Variants in SNTB2 observed in about 807,000 individuals in gnomAD.
SNTB2 encodes beta-2-syntrophin.
SNTB2 carries 34 observed loss-of-function variants against 46.2 expected under a neutral mutation model. The ratio of observed to expected loss-of-function variants is 0.74; its 90% CI spans 0.56 to 0.98. The LOEUF (loss-of-function observed/expected upper bound fraction) is 0.98, where lower values mean the gene tolerates loss of function less well. Ranked by LOEUF, SNTB2 falls within the 50% of genes least tolerant of loss-of-function variation. The pLI is 0.00. For synonymous variants in SNTB2, 290 were observed against 312.6 expected (o/e 0.93, Z 0.76); for missense variants, 603 against 731.4 (o/e 0.82, Z 2.02).
At chr16:69,236,254 T>C (rs1166651172) in intron 1 of SNTB2, among the ~76,000 whole-genome samples, 1 of 152,154 alleles carries the variant, frequency 6.6e-6, no homozygotes, top group Non-Finnish European at 1.5e-5. Flanking sequence ...CCTTAGGCAG[T>C]AGCAAACCAT....
At chr16:69,291,819 G>A (rs1567416137) in intron 5 of SNTB2, among the ~76,000 whole-genome samples, 1 of 152,136 alleles carries the variant, frequency 6.6e-6, no homozygotes, top group Non-Finnish European at 1.5e-5. Flanking sequence ...CATGCCTATA[G>A]TCCCAGCTAC....
chr16:69,274,079 C>T (rs1227528539), intron 4 of SNTB2, among the ~76,000 whole-genome samples: 2 of 151,912 alleles, frequency 1.3e-5, no homozygotes, highest in Non-Finnish European at 2.9e-5. Flanking sequence ...TTTGGGAGGC[C>T]GAGGCTGGCG....
intron 1 of SNTB2, among the ~76,000 whole-genome samples, chr16:69,197,037 G>C (rs1964112618): frequency 1.3e-5 from 2 of 151,398 alleles, no homozygotes; most frequent in African/African-American, 4.9e-5. Context: ...TTTCATGCTG[G>C]ACCTAAAGCT....
chr16:69,276,288 A>G (rs1213027040), intron 4 of SNTB2, among the ~76,000 whole-genome samples: 1 of 152,172 alleles, frequency 6.6e-6, no homozygotes, highest in African/African-American at 2.4e-5. Context: ...AAAGCTGCCA[A>G]AATGCCTTTG....
rs771403946 is a variant in SNTB2 at position 69,270,250 on chromosome 16, G to A, written c.1113G>A (p.Ala371=). 14 of 1,613,888 alleles carry A rather than the reference G, an allele frequency of 8.7e-6. No homozygotes were observed. In the East Asian group the frequency reaches 1.1e-4, roughly 13 times the overall value. The change falls in exon 4 of 7, where the codon GCG becomes GCA. Residue 371 remains alanine, a synonymous_variant. Transcript: ENST00000336278. ...DCMPWTRDAW[A]SPCHSYPLVA... Reference sequence around the variant, plus strand: ...TGCCGTGGACAAGAGATGCCTGGGCGTCACCATGCCACAGCTACCCACTTG... The same window carrying A: ...TGCCGTGGACAAGAGATGCCTGGGCATCACCATGCCACAGCTACCCACTTG...
At chr16:69,188,585 C>T (rs1417361498) in intron 1 of SNTB2, among the ~76,000 whole-genome samples, 1 of 152,186 alleles carries the variant, frequency 6.6e-6, no homozygotes, top group East Asian at 1.9e-4. Context: ...AATTCCTCTC[C>T]TCTAAGGACT....
chr16:69,201,241 T>C (rs1419970110), intron 1 of SNTB2, among the ~76,000 whole-genome samples: 3 of 152,212 alleles, frequency 2.0e-5, no homozygotes, highest in African/African-American at 7.2e-5. Context: ...TGTATATTGC[T>C]AGCATTGAAA....
chr16:69,212,446 C>G (rs1380385596), intron 1 of SNTB2, among the ~76,000 whole-genome samples: 6 of 152,096 alleles, frequency 3.9e-5, no homozygotes, highest in African/African-American at 9.7e-5. Context: ...TCAAGCGATT[C>G]TCCTGCCTCA....
chr16:69,227,174 A>G lies in SNTB2; in HGVS notation c.581-18428A>G, dbSNP rs146565391. Among the ~76,000 whole-genome samples, 1,164 of 152,316 alleles carry G rather than the reference A, an allele frequency of 7.6e-3. 15 individuals carry two copies. Among genetic ancestry groups the G allele is most frequent in the African/African-American group, 0.025 (1,048 of 41,570 alleles). ...ACTCATGCCAGAAATATTTCTGAGA[A>G]TTTCACTAGGACAGACAAATTAGGA... On this transcript the variant is annotated intron_variant, in intron 1 of 6. Coordinates refer to ENST00000336278, the MANE Select transcript of SNTB2 (RefSeq NM_006750.4).
At chr16:69,215,017 AT>A (rs1357743038) in intron 1 of SNTB2, among the ~76,000 whole-genome samples, 1 of 150,466 alleles carries the variant, frequency 6.6e-6, no homozygotes, top group Non-Finnish European at 1.5e-5. Context: ...CTAATTCTGT[AT>A]TTTCAGTAGA....
Position 69,300,946 on chromosome 16 carries a change from G to A in SNTB2, c.*22G>A, listed in dbSNP as rs2143211539. ...ATGAGCAACAAAAAATCAGAAAAGA[G>A]CCTTGACTGTCACAAGAAATATTTC... On this transcript the variant is annotated 3_prime_UTR_variant, in exon 7 of 7. Coordinates refer to ENST00000336278, the MANE Select transcript of SNTB2 (RefSeq NM_006750.4). 1.4e-6 allele frequency: 2 copies of A among 1,432,342 alleles called. No homozygotes were observed. The highest frequency in any genetic ancestry group is 1.2e-5 in the South Asian group (1 of 84,990). 88.7% of individuals were successfully genotyped at this position (1,432,342 alleles called of 1,614,324 possible).
intron 1 of SNTB2, among the ~76,000 whole-genome samples, chr16:69,238,458 A>G (rs1291691190): frequency 2.0e-5 from 3 of 152,026 alleles, no homozygotes; most frequent in Non-Finnish European, 2.9e-5. Flanking sequence ...ATCCCTTACT[A>G]TCGTTTCCTG....
In SNTB2 at chr16:69,284,139, A is replaced by G; in HGVS notation, c.1240A>G (p.Met414Val). The change falls in exon 5 of 7, where the codon ATG becomes GTG. Residue 414 changes from methionine to valine, a missense_variant. Met to Val is a conservative substitution (Grantham distance 21, BLOSUM62 1). Transcript: ENST00000336278. ...GACAGGCTCTCGACAGGGCATTGAG[A>G]TGCATCTCTTCAGGGTGGAGACACA... ...TRTGSRQGIE[M>V]HLFRVETHRD... The G allele has an allele frequency of 6.2e-7, 1 of 1,614,020 alleles. No individual in the cohort carries two copies. The highest frequency in any genetic ancestry group is 8.5e-7 in the Non-Finnish European group (1 of 1,180,002).
At chr16:69,258,777 A>G (rs1964804105) in intron 2 of SNTB2, among the ~76,000 whole-genome samples, 1 of 151,546 alleles carries the variant, frequency 6.6e-6, no homozygotes, top group Admixed American at 6.6e-5. Flanking sequence ...ACGCCTGGCT[A>G]ATTTTTGTAT....
rs1363515903 is a variant in SNTB2 at position 69,306,373 on chromosome 16, C to T, written c.*5449C>T. 3.3e-5 allele frequency: 5 copies of T among 152,178 alleles called. No homozygotes were observed. Among genetic ancestry groups the T allele is most frequent in the Non-Finnish European group, 7.3e-5 (5 of 68,032 alleles). The allele number at this position is 152,178 out of a possible 1,614,324, so 9.4% of individuals were successfully genotyped here. A position where few individuals can be genotyped will look rare whatever the true frequency, so the allele number is the denominator to read the frequency against. ...AAACAAACTTGAGCTTCATTTCTTG[C>T]CACCTCTATTCTTTCTTCCCACGTT... On this transcript the variant is annotated 3_prime_UTR_variant, in exon 7 of 7. Coordinates refer to ENST00000336278, the MANE Select transcript of SNTB2 (RefSeq NM_006750.4).
At position 69,187,757 on chromosome 16, in the gene SNTB2, C is replaced by T; in HGVS notation, c.580+11C>T. ...AGGTGCTGCTGGAGGGTGAGCGGGGCCGGGCGGGAGGGTGGGCAGGCCGCG... is the reference window on the plus strand; with the variant it reads ...AGGTGCTGCTGGAGGGTGAGCGGGGTCGGGCGGGAGGGTGGGCAGGCCGCG... On this transcript the variant is annotated intron_variant, in intron 1 of 6. Transcript: ENST00000336278. The T allele has an allele frequency of 2.4e-6, 1 of 411,464 alleles. No homozygotes were observed. The highest frequency in any genetic ancestry group is 4.4e-6 in the Non-Finnish European group (1 of 228,844). 25.5% of individuals were successfully genotyped at this position (411,464 alleles called of 1,614,324 possible).
intron 2 of SNTB2, among the ~76,000 whole-genome samples, chr16:69,258,456 C>T (rs146827345): frequency 2.0e-4 from 30 of 151,974 alleles, no homozygotes; most frequent in African/African-American, 6.8e-4. Context: ...ACAGATTGCT[C>T]TTGGTGAGCA....
intron 2 of SNTB2, 27 bp from the exon 3 acceptor site, chr16:69,260,023 C>CTT (rs755162772): frequency 2.7e-4 from 319 of 1,192,354 alleles, no homozygotes; most frequent in South Asian, 6.3e-4. Flanking sequence ...TCCTAGCTCA[C>CTT]TTTTTTTTTT....
intron 5 of SNTB2, among the ~76,000 whole-genome samples, chr16:69,292,622 T>G (rs866696786): frequency 0.043 from 6,168 of 144,744 alleles, 199 homozygotes; most frequent in South Asian, 0.073. Flanking sequence ...TTTTTTTTTT[T>G]TTGCATTTTT....
Sources: gnomAD v4.1 joint callset for allele counts (sites outside exome capture counted in the v4.1 genomes callset) on GRCh38, gnomAD v4.1.1 for gene constraint, MANE v1.5 for transcripts, NCBI Gene and HGNC (gene_info 2026-07-23, HGNC 2026-07-21) for gene names.